The following ECT2L variants were observed in gnomAD, a reference collection of about 807,000 sequenced individuals.
ECT2L encodes the protein epithelial cell transforming 2 like, also known as epithelial cell-transforming sequence 2 oncogene-like.
Under a neutral mutation model 122.8 loss-of-function variants are expected in ECT2L, and 126 were observed. That is an observed-to-expected ratio of 1.03 (90% confidence interval 0.89 to 1.19). ECT2L has a LOEUF of 1.19. ECT2L is among the 50% of genes most tolerant of loss of function. The pLI is 0.00. For synonymous variants in ECT2L, 385 were observed against 381.8 expected (o/e 1.01, Z -0.10); for missense variants, 1,012 against 1,064.1 (o/e 0.95, Z 0.68).
intron 9 of ECT2L, among the ~76,000 whole-genome samples, chr6:138,851,195 GT>G (rs941649781): frequency 6.6e-6 from 1 of 151,642 alleles, no homozygotes; most frequent in Non-Finnish European, 1.5e-5. Flanking sequence ...TGTTTTGTTG[GT>G]TTTTTTCTTG....
At chr6:138,827,685 A>G (rs1776499369) in intron 4 of ECT2L, among the ~76,000 whole-genome samples, 1 of 152,010 alleles carries the variant, frequency 6.6e-6, no homozygotes, top group Admixed American at 6.6e-5. Context: ...GAGCCTCCCA[A>G]GTAGCTGGGA....
chr6:138,865,299 T>G (rs1777994633), intron 12 of ECT2L, 121 bp downstream of exon 12: 6 of 952,868 alleles, frequency 6.3e-6, no homozygotes, highest in Non-Finnish European at 7.4e-6. Context: ...CAGTAAAATT[T>G]TATCTCCTAG....
chr6:138,849,568 C>A (rs1411322362), intron 9 of ECT2L, 134 bp downstream of exon 9: 18 of 840,208 alleles, frequency 2.1e-5, no homozygotes, highest in East Asian at 1.6e-4. Flanking sequence ...ATGAAAAAAG[C>A]GAAGCTTTTT....
intron 20 of ECT2L, among the ~76,000 whole-genome samples, chr6:138,898,212 A>C (rs1000850463): frequency 6.6e-6 from 1 of 152,180 alleles, no homozygotes; most frequent in African/African-American, 2.4e-5. Flanking sequence ...CCTCATCCTT[A>C]GTTCTATTCA....
At chr6:138,808,087 G>C (rs1467943020) in intron 1 of ECT2L, among the ~76,000 whole-genome samples, 2 of 150,916 alleles carry the variant, frequency 1.3e-5, no homozygotes, top group Non-Finnish European at 3.0e-5. Flanking sequence ...ATACTTGCTG[G>C]GTTTTCATGA....
rs759061884 is a variant in ECT2L, at chr6:138,886,842, CT to C, written c.2260-8del. 11 of 1,608,024 alleles carry C rather than the reference CT, an allele frequency of 6.8e-6. No individual in the cohort carries two copies. Among genetic ancestry groups the C allele is most frequent in the East Asian group, 2.2e-5 (1 of 44,830 alleles). The stretch of plus-strand genomic sequence containing the variant: ...CACAATTTTAGTTTGCCTAAAAGTA[CT>C]TTTTTTCCCCTAGATGAAGCAAAAC... On this transcript the variant is annotated splice_polypyrimidine_tract_variant and intron_variant, in intron 18 of 21. Coordinates refer to ENST00000541398, the MANE Select transcript of ECT2L (RefSeq NM_001077706.3).
chr6:138,903,175 T>C lies in ECT2L; in HGVS notation c.*548T>C, dbSNP rs1779463125. On this transcript the variant is annotated 3_prime_UTR_variant, in exon 22 of 22. Transcript: ENST00000541398. Reference sequence around the variant, plus strand: ...GAGTTTGAGACCAGCCTCACCAACATGGAGAAACCCCGTCTCTACTAAAAA... The same window carrying C: ...GAGTTTGAGACCAGCCTCACCAACACGGAGAAACCCCGTCTCTACTAAAAA... The C allele has an allele frequency of 6.5e-6, 1 of 153,018 alleles. No individual in the cohort carries two copies. Among genetic ancestry groups the C allele is most frequent in the South Asian group, 2.1e-4 (1 of 4,850 alleles). The allele number at this position is 153,018 out of a possible 1,614,324, so 9.5% of individuals were successfully genotyped here.
At chr6:138,825,357 A>G (rs962434297) in intron 4 of ECT2L, among the ~76,000 whole-genome samples, 1 of 152,122 alleles carries the variant, frequency 6.6e-6, no homozygotes, top group African/African-American at 2.4e-5. Flanking sequence ...AGGCGGGTGG[A>G]TCACTTGAGG....
rs189640859 is a variant in ECT2L, at chr6:138,887,516, G to A, written c.2325+594G>A. Among the ~76,000 whole-genome samples the A allele has an allele frequency of 7.2e-5, 11 of 152,244 alleles. No individual in the cohort carries two copies. In the East Asian group the frequency reaches 1.4e-3, roughly 19 times the overall value. ...TGGGATTACAGGCGTGAGCCACCACGCCCAGCCATGTTCTACTTGTTTTCT... is the reference window on the plus strand; with the variant it reads ...TGGGATTACAGGCGTGAGCCACCACACCCAGCCATGTTCTACTTGTTTTCT... On this transcript the variant is annotated intron_variant, in intron 19 of 21. Coordinates refer to ENST00000541398, the MANE Select transcript of ECT2L (RefSeq NM_001077706.3).
chr6:138,860,882 G>A (rs1260875032), intron 10 of ECT2L, among the ~76,000 whole-genome samples: 3 of 151,220 alleles, frequency 2.0e-5, no homozygotes, highest in Admixed American at 6.6e-5. Flanking sequence ...CCCCTTTCCC[G>A]CCAACCCCCT....
intron 7 of ECT2L, among the ~76,000 whole-genome samples, chr6:138,845,799 G>A (rs1169871628): frequency 6.6e-6 from 1 of 152,184 alleles, no homozygotes; most frequent in Non-Finnish European, 1.5e-5. Context: ...GGTCAGGCAT[G>A]ATGGCTCACG....
Position 138,902,856 on chromosome 6 carries a change from T to C in ECT2L, c.*229T>C. The C allele has an allele frequency of 2.3e-6, 1 of 444,150 alleles. No individual in the cohort carries two copies. The highest frequency in any genetic ancestry group is 4.1e-5 in the Admixed American group (1 of 24,286). 27.5% of individuals were successfully genotyped at this position (444,150 alleles called of 1,614,324 possible). On this transcript the variant is annotated 3_prime_UTR_variant, in exon 22 of 22. Coordinates refer to ENST00000541398, the MANE Select transcript of ECT2L (RefSeq NM_001077706.3). ...CAAAATTTTGAACTACTTCTTTTGG[T>C]AGCTGTATTTCATGGATAATATTAT...
chr6:138,866,660 T>C (rs114195580), intron 12 of ECT2L, among the ~76,000 whole-genome samples: 2,290 of 152,280 alleles, frequency 0.015, 40 homozygotes, highest in African/African-American at 0.048. Flanking sequence ...ATGTAGGCAA[T>C]GAGAAGAAAA....
intron 18 of ECT2L, 41 bp from the exon 19 acceptor site, chr6:138,886,816 T>C: frequency 7.2e-7 from 1 of 1,388,768 alleles, no homozygotes. Flanking sequence ...AATAAAAATG[T>C]CACAATTTTA....
At chr6:138,846,135 G>A (rs1777212789) in intron 7 of ECT2L, among the ~76,000 whole-genome samples, 1 of 152,092 alleles carries the variant, frequency 6.6e-6, no homozygotes, top group Admixed American at 6.5e-5. Flanking sequence ...TCCTGGTATT[G>A]TTGGGGGTGA....
At chr6:138,806,798 C>T (rs1368992211) in intron 1 of ECT2L, among the ~76,000 whole-genome samples, 4 of 152,042 alleles carry the variant, frequency 2.6e-5, no homozygotes, top group Admixed American at 2.6e-4. Context: ...CAGTCGTGAG[C>T]CACTGCACCT....
In ECT2L at chr6:138,838,379, G is replaced by A. The variant is rs1163211125; in HGVS notation, c.207G>A (p.Arg69=). 31 of 1,609,436 alleles carry A rather than the reference G, an allele frequency of 1.9e-5. No homozygotes were observed. The highest frequency in any genetic ancestry group is 2.6e-5 in the Non-Finnish European group (31 of 1,178,438). The change falls in exon 5 of 22, where the codon AGG becomes AGA. Residue 69 remains arginine (R), a synonymous_variant. Coordinates refer to ENST00000541398, the MANE Select transcript of ECT2L (RefSeq NM_001077706.3). The part of the protein sequence containing the change: ...LRFVQDWFSE[R]MQVAKVDFST... Reference sequence around the variant, plus strand: ...TTGTCCAAGACTGGTTTTCAGAAAGGATGCAAGTGGCCAAAGTGGACTTCT... The same window carrying A: ...TTGTCCAAGACTGGTTTTCAGAAAGAATGCAAGTGGCCAAAGTGGACTTCT...
intron 1 of ECT2L, among the ~76,000 whole-genome samples, chr6:138,810,183 CAG>C (rs1220503012): frequency 1.3e-5 from 2 of 152,126 alleles, no homozygotes; most frequent in Admixed American, 6.6e-5. Context: ...TAAAAGAATT[CAG>C]AGAGAGTCTC....
At chr6:138,803,892 C>T (rs1775628112) in intron 1 of ECT2L, among the ~76,000 whole-genome samples, 2 of 152,226 alleles carry the variant, frequency 1.3e-5, no homozygotes, top group African/African-American at 4.8e-5. Flanking sequence ...AAATGTCTGT[C>T]TTATTCTAGA....
Sources: gnomAD v4.1 joint callset for allele counts (sites outside exome capture counted in the v4.1 genomes callset) on GRCh38, gnomAD v4.1.1 for gene constraint, MANE v1.5 for transcripts, NCBI Gene and HGNC (gene_info 2026-07-23, HGNC 2026-07-21) for gene names.